The following CALN1 variants were observed in gnomAD, a reference collection of about 807,000 sequenced individuals.
CALN1 encodes the protein calneuron 1.
In CALN1, 17 loss-of-function variants were observed where a neutral mutation model predicts 30.6. The ratio of observed to expected loss-of-function variants is 0.56; its 90% CI spans 0.38 to 0.83. The LOEUF is 0.83. CALN1 is among the 40% of genes least tolerant of loss of function. The pLI, the probability that CALN1 is intolerant of heterozygous loss-of-function variation, is 0.00. For synonymous variants in CALN1, 156 were observed against 131.4 expected, an observed-to-expected ratio of 1.19 and a Z score of -1.28; for missense variants, 291 against 354.9, an observed-to-expected ratio of 0.82 and a Z score of 1.45.
intron 1 of CALN1, among the ~76,000 whole-genome samples, chr7:72,436,931 G>A (rs754283747): frequency 2.6e-5 from 4 of 152,090 alleles, no homozygotes; most frequent in East Asian, 1.9e-4. Flanking sequence ...TTAGCCAAGC[G>A]TGGTGGCACA....
chr7:72,503,291 A>T, the CALN1 span, among the ~76,000 whole-genome samples: 2 of 152,004 alleles, frequency 1.3e-5, no homozygotes, highest in Non-Finnish European at 2.9e-5. Context: ...CAGTGCCCTG[A>T]CCCTCACCTT....
intron 3 of CALN1, among the ~76,000 whole-genome samples, chr7:72,129,427 T>A (rs1585001730): frequency 6.6e-6 from 1 of 152,140 alleles, no homozygotes; most frequent in African/African-American, 2.4e-5. Flanking sequence ...CTAGTGGCTG[T>A]AATATTGTGC....
At chr7:72,456,326 C>T in the CALN1 span, among the ~76,000 whole-genome samples, 1 of 151,648 alleles carries the variant, frequency 6.6e-6, no homozygotes, top group African/African-American at 2.4e-5. Context: ...AGTTCTAGAC[C>T]AGCCTGGACA....
chr7:72,103,409 T>C (rs1806838315), intron 4 of CALN1: 1 of 153,146 alleles, frequency 6.5e-6, no homozygotes. Context: ...TCATGGCATA[T>C]GAAGGGGCGT....
intron 2 of CALN1, among the ~76,000 whole-genome samples, chr7:72,335,284 C>T (rs974769353): frequency 8.5e-5 from 13 of 152,210 alleles, no homozygotes; most frequent in African/African-American, 3.1e-4. Flanking sequence ...GCTTTAAATT[C>T]CTTTCCAAAG....
intron 4 of CALN1, among the ~76,000 whole-genome samples, chr7:72,091,745 G>C (rs1157249818): frequency 6.6e-6 from 1 of 152,198 alleles, no homozygotes; most frequent in South Asian, 2.1e-4. Context: ...CGTACCCAGA[G>C]GGGATGGCCA....
chr7:72,251,886 T>C (rs1387448847), intron 3 of CALN1, among the ~76,000 whole-genome samples: 1 of 152,188 alleles, frequency 6.6e-6, no homozygotes, highest in African/African-American at 2.4e-5. Context: ...TCCTGCATTA[T>C]TTCTTACAAT....
chr7:72,342,059 C>G (rs1007121886), intron 2 of CALN1, among the ~76,000 whole-genome samples: 4 of 151,940 alleles, frequency 2.6e-5, no homozygotes, highest in Non-Finnish European at 5.9e-5. Context: ...TGAGACCAGC[C>G]AGCCTGGGCA....
chr7:72,230,465 G>A (rs1367352725), intron 3 of CALN1, among the ~76,000 whole-genome samples: 3 of 149,622 alleles, frequency 2.0e-5, no homozygotes, highest in African/African-American at 4.9e-5. Context: ...TCATGATCAC[G>A]CCGCTGCACC....
intron 3 of CALN1, among the ~76,000 whole-genome samples, chr7:72,208,200 T>C (rs1004315578): frequency 2.6e-5 from 4 of 152,242 alleles, no homozygotes; most frequent in African/African-American, 9.6e-5. Flanking sequence ...TTCACATAGA[T>C]GGGTAGCTGC....
At chr7:71,794,879 A>C (rs115059341) in intron 6 of CALN1, among the ~76,000 whole-genome samples, 2,061 of 152,198 alleles carry the variant, frequency 0.014, 40 homozygotes, top group African/African-American at 0.046. Context: ...CCAGCCCCTA[A>C]GCTCAGCACA....
chr7:71,976,914 G>A (rs1436286128), intron 5 of CALN1, among the ~76,000 whole-genome samples: 1 of 152,114 alleles, frequency 6.6e-6, no homozygotes, highest in Non-Finnish European at 1.5e-5. Context: ...GAGCTAACAT[G>A]AAGAGATAAC....
intron 3 of CALN1, among the ~76,000 whole-genome samples, chr7:72,239,208 G>T (rs776931405): frequency 6.6e-5 from 10 of 152,136 alleles, no homozygotes; most frequent in Non-Finnish European, 1.3e-4. Context: ...ACCAGCCTGG[G>T]AAGCACACCA....
chr7:72,219,465 A>G (rs141499402), intron 3 of CALN1, among the ~76,000 whole-genome samples: 4,736 of 152,150 alleles, frequency 0.031, 240 homozygotes, highest in African/African-American at 0.11. Flanking sequence ...CCTGGCCTCA[A>G]GTGATCCTCC....
chr7:72,389,960 AGG>A (rs1805472092), intron 2 of CALN1, among the ~76,000 whole-genome samples: 2 of 151,276 alleles, frequency 1.3e-5, no homozygotes, highest in African/African-American at 4.9e-5. Context: ...AAGAAAAAAA[AGG>A]GGAGAATTAA....
intron 5 of CALN1, among the ~76,000 whole-genome samples, chr7:71,851,132 C>G (rs368862053): frequency 6.6e-6 from 1 of 150,830 alleles, no homozygotes; most frequent in Non-Finnish European, 1.5e-5. Flanking sequence ...GTGAGGGTTG[C>G]GTGAACCCAA....
intron 4 of CALN1, among the ~76,000 whole-genome samples, chr7:72,063,633 C>T (rs1344396844): frequency 6.6e-6 from 1 of 152,164 alleles, no homozygotes; most frequent in Non-Finnish European, 1.5e-5. Flanking sequence ...AAAAGCAAAA[C>T]TTGGATAGTA....
At chr7:72,326,647 T>C (rs1450549878) in intron 2 of CALN1, among the ~76,000 whole-genome samples, 3 of 152,240 alleles carry the variant, frequency 2.0e-5, no homozygotes, top group South Asian at 2.1e-4. Context: ...TAATTAGGCC[T>C]GTTATCAGTA....
At chr7:71,819,425 A>T (rs1788467610) in intron 5 of CALN1, among the ~76,000 whole-genome samples, 1 of 151,950 alleles carries the variant, frequency 6.6e-6, no homozygotes, top group African/African-American at 2.4e-5. Context: ...GCTGGTCTCG[A>T]ACTCCCGACC....
Sources: allele counts gnomAD v4.1 joint callset (sites outside exome capture counted in the v4.1 genomes callset), GRCh38; gene constraint gnomAD v4.1.1; transcripts MANE v1.5; gene names NCBI Gene and HGNC (gene_info 2026-07-23, HGNC 2026-07-21).